Variants in GRID2 observed in about 807,000 individuals in gnomAD.
GRID2 encodes the protein glutamate receptor ionotropic, delta-2.
Under a neutral mutation model 114.8 loss-of-function variants are expected in GRID2, and 33 were observed. That is an observed-to-expected ratio of 0.29 (90% CI 0.22 to 0.38). The LOEUF is 0.38. Among genes scored for constraint, GRID2 ranks in the 10% least tolerant of loss-of-function variants. The probability of loss-of-function intolerance (pLI) is 1.00; values close to 1 mark genes in which losing one functional copy is unlikely to be tolerated. For missense variants in GRID2, 1,184 were observed against 1,257.7 expected, an observed-to-expected ratio of 0.94 and a Z score of 0.89; for synonymous variants, 505 against 449.9, an observed-to-expected ratio of 1.12 and a Z score of -1.55.
intron 2 of GRID2, among the ~76,000 whole-genome samples, chr4:92,768,158 T>C (rs1192581915): frequency 2.6e-5 from 4 of 152,208 alleles, no homozygotes; most frequent in Admixed American, 6.5e-5. Context: ...CAAAACCCTT[T>C]CAAGAAAATT....
At chr4:92,756,216 T>A (rs1737714164) in intron 2 of GRID2, among the ~76,000 whole-genome samples, 1 of 152,184 alleles carries the variant, frequency 6.6e-6, no homozygotes, top group South Asian at 2.1e-4. Flanking sequence ...GTATCTGGCT[T>A]ATTTCACTTA....
At chr4:93,632,766 A>G (rs1721043732) in intron 14 of GRID2, among the ~76,000 whole-genome samples, 1 of 152,070 alleles carries the variant, frequency 6.6e-6, no homozygotes, top group Non-Finnish European at 1.5e-5. Context: ...AGTCATTGGT[A>G]GCTTGATGCG....
chr4:92,384,558 TATATA>T (rs1461725143), intron 1 of GRID2, among the ~76,000 whole-genome samples: 9 of 77,246 alleles, frequency 1.2e-4, no homozygotes, highest in East Asian at 2.7e-4. Context: ...ATATATATTA[TATATA>T]ATATAATATA....
chr4:92,588,889 G>A (rs1251315357), intron 1 of GRID2, among the ~76,000 whole-genome samples: 3 of 151,886 alleles, frequency 2.0e-5, no homozygotes, highest in Admixed American at 6.6e-5. Flanking sequence ...GATCACGTGA[G>A]GTCAGGGGCT....
chr4:93,030,493 T>G (rs1425285584), intron 2 of GRID2, among the ~76,000 whole-genome samples: 1 of 151,990 alleles, frequency 6.6e-6, no homozygotes, highest in African/African-American at 2.4e-5. Flanking sequence ...CAGTCAATTC[T>G]TGTGCCCCAG....
intron 2 of GRID2, among the ~76,000 whole-genome samples, chr4:93,023,877 T>A (rs755747183): frequency 2.0e-5 from 3 of 151,868 alleles, no homozygotes; most frequent in Non-Finnish European, 4.4e-5. Context: ...CAGCAGCACC[T>A]AGAAACACTT....
chr4:93,264,845 C>T (rs150752352), intron 8 of GRID2, among the ~76,000 whole-genome samples: 343 of 150,416 alleles, frequency 2.3e-3, no homozygotes, highest in African/African-American at 8.0e-3. Flanking sequence ...TGCAGTGGCA[C>T]AATCTCAGCT....
At chr4:93,162,668 A>T (rs898935151) in intron 4 of GRID2, among the ~76,000 whole-genome samples, 4 of 152,010 alleles carry the variant, frequency 2.6e-5, no homozygotes, top group African/African-American at 9.7e-5. Flanking sequence ...TGTCTGTTAC[A>T]TACATTTTAC....
intron 5 of GRID2, among the ~76,000 whole-genome samples, chr4:93,216,236 G>A (rs1744193315): frequency 6.6e-6 from 1 of 151,700 alleles, no homozygotes; most frequent in East Asian, 1.9e-4. Context: ...TCAGTTAAAA[G>A]CCAAATTTTT....
intron 1 of GRID2, among the ~76,000 whole-genome samples, chr4:92,388,379 T>C (rs544858342): frequency 1.3e-5 from 2 of 152,114 alleles, no homozygotes; most frequent in Admixed American, 6.6e-5. Flanking sequence ...ACGGTTACAA[T>C]AGTATCCCTG....
chr4:92,634,872 AG>A (rs1730992747), intron 2 of GRID2, among the ~76,000 whole-genome samples: 1 of 133,458 alleles, frequency 7.5e-6, no homozygotes, highest in Non-Finnish European at 1.6e-5. Flanking sequence ...AGAGAGAGAG[AG>A]AGAGAAAGAG....
At chr4:92,992,306 A>T (rs1754956872) in intron 2 of GRID2, among the ~76,000 whole-genome samples, 1 of 152,106 alleles carries the variant, frequency 6.6e-6, no homozygotes, top group South Asian at 2.1e-4. Context: ...ATGGATGATA[A>T]ATATTGTTTC....
chr4:93,591,666 G>A lies in GRID2; in HGVS notation c.2194-34603G>A, dbSNP rs1345449879. Among the ~76,000 whole-genome samples the A allele has an allele frequency of 2.6e-5, 4 of 152,034 alleles. No individual in the cohort carries two copies. In the East Asian group the frequency reaches 5.8e-4, roughly 22 times the overall value. On this transcript the variant is annotated intron_variant, in intron 13 of 15. Coordinates refer to ENST00000282020, the MANE Select transcript of GRID2 (RefSeq NM_001510.4). The stretch of plus-strand genomic sequence containing the variant: ...CTCCTTGTACCTCTGGTAGAATTCG[G>A]CTGTGAATCCATCTGGTCCTGGACT...
intron 1 of GRID2, among the ~76,000 whole-genome samples, chr4:92,325,764 AGATATAACTCTT>A (rs1726559321): frequency 6.6e-6 from 1 of 151,772 alleles, no homozygotes; most frequent in South Asian, 2.1e-4. Context: ...ACTCATTTTA[AGATATAACTCTT>A]CTTTCATGAC....
intron 2 of GRID2, among the ~76,000 whole-genome samples, chr4:92,880,378 G>T (rs2149456595): frequency 6.6e-6 from 1 of 152,088 alleles, no homozygotes; most frequent in South Asian, 2.1e-4. Flanking sequence ...AAACATTCTA[G>T]TCCATAATAT....
chr4:92,482,088 T>C (rs900195449), intron 1 of GRID2, among the ~76,000 whole-genome samples: 2 of 144,054 alleles, frequency 1.4e-5, no homozygotes, highest in Non-Finnish European at 3.0e-5. Flanking sequence ...ATTCAAGATT[T>C]ATATATATCT....
At chr4:93,423,057 G>A in intron 10 of GRID2, 89 bp downstream of exon 10, 1 of 849,234 alleles carries the variant, frequency 1.2e-6, no homozygotes, top group Non-Finnish European at 1.9e-6. Flanking sequence ...CCTTGAAGCT[G>A]ATTTCATATA....
intron 10 of GRID2, among the ~76,000 whole-genome samples, chr4:93,431,694 A>G (rs1769427162): frequency 6.6e-6 from 1 of 152,142 alleles, no homozygotes; most frequent in Non-Finnish European, 1.5e-5. Flanking sequence ...GGGAAGAAAG[A>G]GATAATAATT....
At chr4:93,291,044 A>AT (rs1219167234) in intron 8 of GRID2, among the ~76,000 whole-genome samples, 2 of 151,634 alleles carry the variant, frequency 1.3e-5, no homozygotes, top group Non-Finnish European at 2.9e-5. Context: ...AGCCCAGCTA[A>AT]TTTTTTGTAT....
Sources: gnomAD v4.1 joint callset for allele counts (sites outside exome capture counted in the v4.1 genomes callset) on GRCh38, gnomAD v4.1.1 for gene constraint, MANE v1.5 for transcripts, NCBI Gene and HGNC (gene_info 2026-07-23, HGNC 2026-07-21) for gene names.